CPLANE1: variants seen among roughly 807,000 people sequenced by gnomAD.
CPLANE1 encodes the protein ciliogenesis and planar polarity effector complex subunit 1, also known as ciliogenesis and planar polarity effector 1.
CPLANE1 carries 263 observed loss-of-function variants against 362.5 expected under a neutral mutation model. The observed-to-expected ratio is 0.73, with a 90% CI of 0.66 to 0.80. CPLANE1 has a LOEUF of 0.80. Among genes scored for constraint, CPLANE1 ranks in the 30% least tolerant of loss-of-function variants. The probability of loss-of-function intolerance (pLI) is 0.00; values close to 1 mark genes in which losing one functional copy is unlikely to be tolerated. For missense variants in CPLANE1, 3,461 were observed against 3,793.4 expected, an observed-to-expected ratio of 0.91 and a Z score of 2.30; for synonymous variants, 1,212 against 1,302.6, an observed-to-expected ratio of 0.93 and a Z score of 1.50.
chr5:37,220,089 C>CA (rs1055556182), intron 15 of CPLANE1, among the ~76,000 whole-genome samples: 7 of 151,192 alleles, frequency 4.6e-5, no homozygotes, highest in East Asian at 1.9e-4. Flanking sequence ...CCCATCTCTA[C>CA]AAAAAAAACA....
chr5:37,198,755 C>A lies in CPLANE1; in HGVS notation c.3619G>T (p.Val1207Leu). 1 of 1,614,062 alleles carries A rather than the reference C, an allele frequency of 6.2e-7. No homozygotes were observed. The highest frequency in any genetic ancestry group is 8.5e-7 in the Non-Finnish European group (1 of 1,180,002). ...AACTGCAATATATACCACTGTGCTA[C>A]AGGAAAAGAACACTGAGCCGCCCGG... is the stretch of plus-strand genomic sequence containing the variant. ...LFRAAQCSFP[V>L]AQWYILQLRW... Residue 1207 changes from valine to leucine, a missense_variant, in exon 20 of 53, where the codon GTA becomes TTA. Physicochemically the swap from Val to Leu is conservative, Grantham distance 32. Around this residue, in one of 2 missense-constraint regions of CPLANE1, gnomAD observed 3,380 missense variants for 3,666.1 expected, o/e 0.92. Transcript: ENST00000651892.
intron 38 of CPLANE1, 34 bp downstream of exon 38, chr5:37,162,431 T>C (rs1346079195): frequency 6.9e-6 from 9 of 1,313,730 alleles, no homozygotes; most frequent in Non-Finnish European, 9.8e-6. Context: ...TATCAAAATA[T>C]ATGAATTTTT....
Position 37,183,268 on chromosome 5 carries a change from T to C in CPLANE1, c.4913A>G (p.Tyr1638Cys). ...SEKSSSLNDE[Y>C]GMHLENQKLS... The stretch of plus-strand genomic sequence containing the variant: ...TTTCTGGTTTTCTAAATGCATGCCA[T>C]ATTCATCATTTAAAGAGGATGATTT... The change falls in exon 26 of 53, where the codon TAT (tyrosine) becomes TGT (cysteine). Residue 1638 changes from tyrosine to cysteine, a missense_variant. By Grantham distance (194) the Tyr-to-Cys change is radical (BLOSUM62 -2). This residue lies in a region of CPLANE1 where 3,380 missense variants were observed against 3,666.1 expected (regional missense o/e 0.92). Transcript: ENST00000651892. 6 of 1,613,318 alleles carry C rather than the reference T, an allele frequency of 3.7e-6. No homozygotes were observed. The highest frequency in any genetic ancestry group is 5.1e-6 in the Non-Finnish European group (6 of 1,179,810).
chr5:37,084,807 T>C, the CPLANE1 span, among the ~76,000 whole-genome samples: 1 of 150,670 alleles, frequency 6.6e-6, no homozygotes, highest in African/African-American at 2.4e-5. Context: ...AAAAAAAAGA[T>C]ACAAAATGGC....
At position 37,244,604 on chromosome 5, in the gene CPLANE1, C is replaced by T; in HGVS notation, c.341G>A (p.Ser114Asn). 7 of 1,519,892 alleles carry T rather than the reference C, an allele frequency of 4.6e-6. No individual in the cohort carries two copies. Among genetic ancestry groups the T allele is most frequent in the Non-Finnish European group, 6.2e-6 (7 of 1,132,960 alleles). 94.2% of individuals were successfully genotyped at this position (1,519,892 alleles called of 1,614,324 possible). A position where few individuals can be genotyped will look rare whatever the true frequency, so the allele number is the denominator to read the frequency against. The change falls in exon 5 of 53, where the codon AGC becomes AAC. Residue 114 changes from serine (S) to asparagine (N), a missense_variant. Around this residue, in one of 2 missense-constraint regions of CPLANE1, gnomAD observed 3,380 missense variants for 3,666.1 expected, o/e 0.92. Transcript: ENST00000651892. ...PKEMIKATVA[S>N]SLRLYLYVSG... ...TACATACAAGTACAGTCTCAAAGAG[C>T]TTGCTAAAAAAGTAACAAAAAAAGT...
At chr5:37,182,731 T>C (rs749982970) in intron 26 of CPLANE1, 29 bp downstream of exon 26, 2 of 1,326,632 alleles carry the variant, frequency 1.5e-6, no homozygotes, top group Middle Eastern at 1.8e-4. Flanking sequence ...AATTCTCATT[T>C]GTAAGTAATA....
chr5:37,214,991 C>T (rs1226379923), intron 15 of CPLANE1, among the ~76,000 whole-genome samples: 2 of 152,298 alleles, frequency 1.3e-5, no homozygotes, highest in Non-Finnish European at 2.9e-5. Context: ...AAACAGATAA[C>T]ATAAACTTGT....
rs376010925 is a variant in CPLANE1 at position 37,148,272 on chromosome 5, T to C, written c.8374-4A>G. On this transcript the variant is annotated splice_polypyrimidine_tract_variant and splice_region_variant and intron_variant, in intron 42 of 52. Coordinates refer to ENST00000651892, the MANE Select transcript of CPLANE1 (RefSeq NM_001384732.1). Reference sequence around the variant, plus strand: ...CAATGTGATCCACTGGTCCAATCTGTAGAAAAAACACACACAACAAAACAA... The same window carrying C: ...CAATGTGATCCACTGGTCCAATCTGCAGAAAAAACACACACAACAAAACAA... The C allele has an allele frequency of 6.9e-5, 110 of 1,590,360 alleles. No homozygotes were observed. The highest frequency in any genetic ancestry group is 8.9e-5 in the Non-Finnish European group (104 of 1,163,194).
Position 37,167,081 on chromosome 5 carries a change from G to T in CPLANE1, c.7366C>A (p.Pro2456Thr), listed in dbSNP as rs370647204. The change falls in exon 35 of 53, where the codon CCT becomes ACT. Residue 2456 changes from proline (P) to threonine (T), a missense_variant. Around this residue, in one of 2 missense-constraint regions of CPLANE1, gnomAD observed 3,380 missense variants for 3,666.1 expected, o/e 0.92. Transcript: ENST00000651892. ...LQLLKVKIEP[P>T]EVRQGKDSKK... Reference sequence around the variant, plus strand: ...CTGTCCTTTCCTTGTCTTACTTCAGGTGGTTCTATTTTGACCTTTAGAAGT... The same window carrying T: ...CTGTCCTTTCCTTGTCTTACTTCAGTTGGTTCTATTTTGACCTTTAGAAGT... 3 of 1,612,152 alleles carry T rather than the reference G, an allele frequency of 1.9e-6. No homozygotes were observed. The South Asian group carries it at 3.3e-5, about 18-fold the overall frequency.
downstream of CPLANE1, among the ~76,000 whole-genome samples, chr5:37,105,282 A>G (rs1757508220): frequency 6.6e-6 from 1 of 152,164 alleles, no homozygotes; most frequent in African/African-American, 2.4e-5. Flanking sequence ...CCTGGAGAAC[A>G]AAGTGAGATC....
At chr5:37,226,262 ACTAAGCTAATAGTAT>A in intron 12 of CPLANE1, 27 bp downstream of exon 12, 1 of 1,342,002 alleles carries the variant, frequency 7.5e-7, no homozygotes, top group Non-Finnish European at 9.8e-7. Flanking sequence ...AGTAAAAAAA[ACTAAGCTAATAGTAT>A]CCCAGTATTA....
chr5:37,106,437 C>A lies in CPLANE1; in HGVS notation c.*1165G>T. On this transcript the variant is annotated 3_prime_UTR_variant, in exon 53 of 53. Transcript: ENST00000651892. The stretch of plus-strand genomic sequence containing the variant: ...ATTGTATGCACATATCAAAATATCA[C>A]ATGCACCCCATAAAAATGTACAACT... The A allele has an allele frequency of 3.7e-6, 1 of 273,900 alleles. No homozygotes were observed. The highest frequency in any genetic ancestry group is 5.6e-6 in the Non-Finnish European group (1 of 179,388). 17.0% of individuals were successfully genotyped at this position (273,900 alleles called of 1,614,324 possible). A position where few individuals can be genotyped will look rare whatever the true frequency, so the allele number is the denominator to read the frequency against.
At chr5:37,176,883 C>T (rs1270353558) in intron 30 of CPLANE1, among the ~76,000 whole-genome samples, 15 of 152,014 alleles carry the variant, frequency 9.9e-5, no homozygotes, top group South Asian at 6.2e-4. Context: ...CTCAGCCTCC[C>T]GAGTAGCTGT....
At chr5:37,130,485 C>T (rs73750932) in intron 46 of CPLANE1, 5,515 of 217,560 alleles carry the variant, frequency 0.025, 329 homozygotes, top group African/African-American at 0.12. Flanking sequence ...ACATGGTCAG[C>T]CAAAACAACT....
chr5:37,175,235 G>C (rs1490210045), intron 31 of CPLANE1, among the ~76,000 whole-genome samples: 1 of 152,192 alleles, frequency 6.6e-6, no homozygotes, highest in Non-Finnish European at 1.5e-5. Context: ...GGCAGGTATA[G>C]GGGTAAACTG....
intron 1 of CPLANE1, among the ~76,000 whole-genome samples, chr5:37,248,286 C>A (rs1457677894): frequency 2.0e-5 from 3 of 151,298 alleles, no homozygotes; most frequent in African/African-American, 7.3e-5. Context: ...CACCACCACA[C>A]CGGACTAATT....
the CPLANE1 span, chr5:37,085,663 C>T: frequency 9.3e-7 from 1 of 1,070,364 alleles, no homozygotes; most frequent in South Asian, 1.2e-5. Flanking sequence ...GAGAGAGGCA[C>T]CCTGGATCTT....
Position 37,244,521 on chromosome 5 carries a change from C to T in CPLANE1, c.424G>A (p.Glu142Lys), listed in dbSNP as rs756856188. ...AAGATATTCTTTAATTCCAAATATTCCCAAAGAAATATGCATCCAGAAGGT... is the reference window on the plus strand; with the variant it reads ...AAGATATTCTTTAATTCCAAATATTTCCAAAGAAATATGCATCCAGAAGGT... Reference protein sequence around the residue: ...ITPSGCIFLWEYLELKNILSS... With the variant: ...ITPSGCIFLWKYLELKNILSS... The change falls in exon 5 of 53, where the codon GAA becomes AAA. Residue 142 changes from glutamate (E) to lysine (K), a missense_variant. By Grantham distance (56) the Glu-to-Lys change is moderately conservative (BLOSUM62 1). Coordinates refer to ENST00000651892, the MANE Select transcript of CPLANE1 (RefSeq NM_001384732.1). 2.6e-4 allele frequency: 400 copies of T among 1,551,530 alleles called. 1 individual carries two copies. Among genetic ancestry groups the T allele is most frequent in the Non-Finnish European group, 3.3e-4 (376 of 1,146,988 alleles).
intron 15 of CPLANE1, among the ~76,000 whole-genome samples, chr5:37,217,423 T>C (rs915814047): frequency 1.3e-5 from 2 of 151,484 alleles, no homozygotes; most frequent in African/African-American, 4.9e-5. Flanking sequence ...CTGGCCAATA[T>C]GGTGAAACCC....
Sources: gnomAD v4.1 joint callset for allele counts (sites outside exome capture counted in the v4.1 genomes callset) on GRCh38, gnomAD v4.1.1 for gene constraint, gnomAD v4.1.1 regional missense constraint, MANE v1.5 for transcripts, NCBI Gene and HGNC (gene_info 2026-07-23, HGNC 2026-07-21) for gene names.